The following PARD6G variants were observed in gnomAD, a reference collection of about 807,000 sequenced individuals.
PARD6G encodes the protein par-6 family cell polarity regulator gamma, also known as partitioning defective 6 homolog gamma.
PARD6G carries 7 observed loss-of-function variants against 10.7 expected under a neutral mutation model. That is an observed-to-expected ratio of 0.66 (90% CI 0.37 to 1.23). The LOEUF (loss-of-function observed/expected upper bound fraction) is 1.23, where lower values mean the gene tolerates loss of function less well. Among genes scored for constraint, PARD6G ranks in the 50% most tolerant of loss-of-function variants. PARD6G has a pLI of 0.02. For missense variants in PARD6G, 548 were observed against 571.8 expected, an observed-to-expected ratio of 0.96 and a Z score of 0.42; for synonymous variants, 287 against 269.4, an observed-to-expected ratio of 1.07 and a Z score of -0.64.
intron 1 of PARD6G, among the ~76,000 whole-genome samples, chr18:80,227,680 G>A (rs1967307434): frequency 6.6e-6 from 1 of 152,212 alleles, no homozygotes; most frequent in East Asian, 1.9e-4. Flanking sequence ...ACTGGCGACT[G>A]CAAGGCAGGC....
chr18:80,161,636 C>G lies in PARD6G; in HGVS notation c.296-1030G>C, dbSNP rs984901800. 3.3e-5 allele frequency: 5 copies of G among 152,138 alleles called. No individual in the cohort carries two copies. The highest frequency in any genetic ancestry group is 5.9e-5 in the Non-Finnish European group (4 of 68,042). 9.4% of individuals were successfully genotyped at this position (152,138 alleles called of 1,614,324 possible). On this transcript the variant is annotated intron_variant, in intron 2 of 2. Transcript: ENST00000353265. This position sits in a 1 kb window ranked among gnomAD's most constrained non-coding sequence, Gnocchi z 4.6. ...TCTTGACACACACGACTCTGTAAGA[C>G]AGGCGTCTCGGGGAGCAGAGGGAAG...
At chr18:80,170,066 G>A (rs1450439459) in intron 2 of PARD6G, 1 of 152,232 alleles carries the variant, frequency 6.6e-6, no homozygotes, top group African/African-American at 2.4e-5. Context: ...GGGTGGTTAA[G>A]ACCAAATTCC....
rs1161628513 is a variant in PARD6G at position 80,226,182 on chromosome 18, T to C, written c.72+21095A>G. 7.9e-5 allele frequency among the ~76,000 whole-genome samples: 8 copies of C among 100,802 alleles called. 1 individual carries two copies. Among genetic ancestry groups the C allele is most frequent in the East Asian group, 2.3e-4 (1 of 4,428 alleles). The allele number at this position is 100,802 out of a possible 152,430, so 66.1% of individuals were successfully genotyped here. A position where few individuals can be genotyped will look rare whatever the true frequency, so the allele number is the denominator to read the frequency against. ...TTTTTTTTTTTTTTTTTTTTTTTTT[T>C]TTTTTAGACGGAGTTTCTCTCTTTG... On this transcript the variant is annotated intron_variant, in intron 1 of 2. Coordinates refer to ENST00000353265, the MANE Select transcript of PARD6G (RefSeq NM_032510.4).
At chr18:80,207,947 T>A (rs1409588666) in intron 1 of PARD6G, among the ~76,000 whole-genome samples, 1 of 152,146 alleles carries the variant, frequency 6.6e-6, no homozygotes, top group Non-Finnish European at 1.5e-5. Flanking sequence ...AATTTCTGAT[T>A]AGAAAAGAGC....
chr18:80,187,570 A>T (rs527437816), intron 2 of PARD6G, among the ~76,000 whole-genome samples: 1 of 152,122 alleles, frequency 6.6e-6, no homozygotes, highest in Non-Finnish European at 1.5e-5. Context: ...GGAACAAAGG[A>T]CACCCTAGCC....
Position 80,201,393 on chromosome 18 carries a change from C to A in PARD6G, c.295+1317G>T, listed in dbSNP as rs1213054794. Among the ~76,000 whole-genome samples the A allele has an allele frequency of 6.6e-6, 1 of 152,204 alleles. No homozygotes were observed. The highest frequency in any genetic ancestry group is 2.4e-5 in the African/African-American group (1 of 41,440). On this transcript the variant is annotated intron_variant, in intron 2 of 2. Transcript: ENST00000353265. The surrounding 1 kb of genome is among the most constrained non-coding windows in gnomAD (Gnocchi z 5.9). ...CAGCATACAGAGGACCGAGGTGTGGCACGCTGGAGGCTGTGCAGAGCCATG... is the reference window on the plus strand; with the variant it reads ...CAGCATACAGAGGACCGAGGTGTGGAACGCTGGAGGCTGTGCAGAGCCATG...
At chr18:80,179,509 C>T (rs886344083) in intron 2 of PARD6G, among the ~76,000 whole-genome samples, 1 of 152,248 alleles carries the variant, frequency 6.6e-6, no homozygotes, top group Non-Finnish European at 1.5e-5. Context: ...TGACATGCCA[C>T]TGCCTCCCCC....
chr18:80,212,608 G>A (rs545746352), intron 1 of PARD6G, among the ~76,000 whole-genome samples: 175 of 152,260 alleles, frequency 1.1e-3, no homozygotes, highest in African/African-American at 3.9e-3. Context: ...TGTTTTGGCC[G>A]GGTGTGGTGG....
In PARD6G at chr18:80,192,438, A is replaced by T. The variant is rs893992431; in HGVS notation, c.295+10272T>A. On this transcript the variant is annotated intron_variant, in intron 2 of 2. Transcript: ENST00000353265. This position sits in a 1 kb window ranked among gnomAD's most constrained non-coding sequence, Gnocchi z 4.9. ...CCAGTGGGAGCCCAGGGGACGGGGG[A>T]GAGCAGGTGCCACGGCGGGAGCCCA... Among the ~76,000 whole-genome samples, 6 of 150,160 alleles carry T rather than the reference A, an allele frequency of 4.0e-5. No homozygotes were observed. Among genetic ancestry groups the T allele is most frequent in the Non-Finnish European group, 7.4e-5 (5 of 67,764 alleles).
chr18:80,224,569 C>T (rs973681314), intron 1 of PARD6G, among the ~76,000 whole-genome samples: 3 of 152,140 alleles, frequency 2.0e-5, no homozygotes, highest in Admixed American at 6.5e-5. Context: ...CGTCCAAGGC[C>T]GGGTGCGGTG....
At chr18:80,191,360 T>G (rs1360727193) in intron 2 of PARD6G, among the ~76,000 whole-genome samples, 1 of 151,644 alleles carries the variant, frequency 6.6e-6, no homozygotes, top group Non-Finnish European at 1.5e-5. Flanking sequence ...ATTCTCTTCT[T>G]TCTTTTTTTC....
chr18:80,177,572 T>G (rs151204397), intron 2 of PARD6G, among the ~76,000 whole-genome samples: 31 of 141,006 alleles, frequency 2.2e-4, no homozygotes, highest in African/African-American at 8.1e-4. Context: ...ACAGCCCAAA[T>G]GGAAAGCGCA....
Position 80,202,769 on chromosome 18 carries a change from T to C in PARD6G, c.236A>G (p.Asn79Ser). 6.2e-7 allele frequency: 1 copy of C among 1,613,786 alleles called. No homozygotes were observed. Among genetic ancestry groups the C allele is most frequent in the Non-Finnish European group, 8.5e-7 (1 of 1,179,942 alleles). The change falls in exon 2 of 3, where the codon AAC (asparagine) becomes AGC (serine). Residue 79 changes from asparagine to serine, a missense_variant. By Grantham distance (46) the Asn-to-Ser change is conservative. Coordinates refer to ENST00000353265, the MANE Select transcript of PARD6G (RefSeq NM_032510.4). ...TGCACTAGAAACCGCCTTGCAGAAG[T>C]TGTCATCATTGTTGATGGGCAGCAG... is the stretch of plus-strand genomic sequence containing the variant. ...GDLLPINNDD[N>S]FCKAVSSANP...
At chr18:80,185,946 ACG>A (rs1308170302) in intron 2 of PARD6G, among the ~76,000 whole-genome samples, 3 of 108,686 alleles carry the variant, frequency 2.8e-5, no homozygotes, top group Admixed American at 1.0e-4. Flanking sequence ...GCACACCCTC[ACG>A]CACGCATGCA....
intron 2 of PARD6G, among the ~76,000 whole-genome samples, chr18:80,195,303 T>A (rs2145274820): frequency 6.6e-6 from 1 of 151,914 alleles, no homozygotes; most frequent in South Asian, 2.1e-4. Flanking sequence ...CAGCTCCTCA[T>A]CCACCGAGGC....
chr18:80,236,378 A>C (rs1287358534), intron 1 of PARD6G, among the ~76,000 whole-genome samples: 16 of 152,286 alleles, frequency 1.1e-4, no homozygotes, highest in African/African-American at 3.1e-4. Context: ...ATCTATGACA[A>C]ACCCACAGCC....
At chr18:80,234,168 C>G (rs1041959495) in intron 1 of PARD6G, among the ~76,000 whole-genome samples, 3 of 152,114 alleles carry the variant, frequency 2.0e-5, no homozygotes, top group African/African-American at 7.2e-5. Flanking sequence ...TCATTGTACA[C>G]AAAGGGCCCC....
At chr18:80,187,030 T>G (rs1599856175) in intron 2 of PARD6G, among the ~76,000 whole-genome samples, 2 of 145,044 alleles carry the variant, frequency 1.4e-5, no homozygotes, top group Admixed American at 6.9e-5. Flanking sequence ...ACCCGGGAGG[T>G]GGAGCTTGCA....
At chr18:80,219,383 A>G (rs1967206337) in intron 1 of PARD6G, among the ~76,000 whole-genome samples, 1 of 151,988 alleles carries the variant, frequency 6.6e-6, no homozygotes, top group Non-Finnish European at 1.5e-5. Flanking sequence ...TAATTTTTGT[A>G]TTTTTTAGTA....
Sources: gnomAD v4.1 joint callset for allele counts (sites outside exome capture counted in the v4.1 genomes callset) on GRCh38, gnomAD v4.1.1 for gene constraint, Gnocchi (gnomAD v3.1) non-coding constraint, MANE v1.5 for transcripts, NCBI Gene and HGNC (gene_info 2026-07-23, HGNC 2026-07-21) for gene names.